Variants in ZNF469 observed in about 807,000 individuals in gnomAD.
ZNF469 encodes the protein zinc finger protein 469.
In ZNF469, 1 loss-of-function variant was observed where a neutral mutation model predicts 1.0. The observed-to-expected ratio is 1.00, with a 90% CI of 0.35 to 4.73. The LOEUF is 4.73. Ranked by LOEUF, ZNF469 falls within the 30% of genes most tolerant of loss-of-function variation. The pLI is 0.16. For synonymous variants in ZNF469, 2,703 were observed against 2,363.4 expected (o/e 1.14, Z -4.17); for missense variants, 6,100 against 5,356.3 (o/e 1.14, Z -4.33).
the ZNF469 span, among the ~76,000 whole-genome samples, chr16:88,204,886 T>C: frequency 6.6e-6 from 1 of 152,138 alleles, no homozygotes; most frequent in Non-Finnish European, 1.5e-5. Flanking sequence ...AAGTTCCAGT[T>C]TGGGTGCTAG....
At chr16:88,179,175 C>A in the ZNF469 span, among the ~76,000 whole-genome samples, 1 of 151,942 alleles carries the variant, frequency 6.6e-6, no homozygotes, top group Non-Finnish European at 1.5e-5. Context: ...TGTGTCCCCT[C>A]CACATCTCAT....
At chr16:88,265,958 G>A in the ZNF469 span, among the ~76,000 whole-genome samples, 1 of 152,356 alleles carries the variant, frequency 6.6e-6, no homozygotes, top group East Asian at 1.9e-4. Context: ...GGGTGGGATT[G>A]GCCCAAATTT....
rs994408836 is a variant in ZNF469 at position 88,431,348 on chromosome 16, C to T, written c.3878C>T (p.Ser1293Leu). ...SLANTAPHGS[S>L]PTPGVGSLLG... ...GCCAACACGGCGCCCCACGGAAGCT[C>T]GCCAACGCCAGGTGTGGGCAGCCTG... Residue 1293 changes from serine to leucine, a missense_variant, in exon 3 of 3, where the codon TCG becomes TTG. Ser to Leu is a moderately radical substitution (Grantham distance 145). Coordinates refer to ENST00000565624, the MANE Select transcript of ZNF469 (RefSeq NM_001367624.2). The T allele has an allele frequency of 1.9e-6, 3 of 1,549,406 alleles. No homozygotes were observed. The highest frequency in any genetic ancestry group is 2.6e-6 in the Non-Finnish European group (3 of 1,146,572).
At chr16:88,352,237 AAACTGCCACCG>A in the ZNF469 span, among the ~76,000 whole-genome samples, 1 of 152,198 alleles carries the variant, frequency 6.6e-6, no homozygotes, top group Admixed American at 6.5e-5. Context: ...CACTGCCACC[AAACTGCCACCG>A]AACTGTGCCC....
At chr16:88,271,342 C>T in the ZNF469 span, among the ~76,000 whole-genome samples, 2 of 132,762 alleles carry the variant, frequency 1.5e-5, 1 homozygote, top group Non-Finnish European at 3.4e-5. Flanking sequence ...AGGGCCGGGG[C>T]CGGGGTCAGA....
the ZNF469 span, among the ~76,000 whole-genome samples, chr16:88,227,025 C>A: frequency 6.8e-6 from 1 of 146,238 alleles, no homozygotes; most frequent in Non-Finnish European, 1.5e-5. Flanking sequence ...CCGGGGCCTG[C>A]GCGTTTCCAC....
the ZNF469 span, among the ~76,000 whole-genome samples, chr16:88,376,516 G>A: frequency 2.0e-5 from 3 of 152,204 alleles, no homozygotes; most frequent in East Asian, 1.9e-4. Context: ...TCGCTCTGCC[G>A]CCGCCCGTGA....
At chr16:88,356,468 C>CTG in the ZNF469 span, among the ~76,000 whole-genome samples, 3 of 151,352 alleles carry the variant, frequency 2.0e-5, no homozygotes, top group Admixed American at 6.6e-5. Flanking sequence ...TGACGTGTGC[C>CTG]TGTGTGTGTG....
At chr16:88,102,020 C>G in the ZNF469 span, among the ~76,000 whole-genome samples, 1 of 152,036 alleles carries the variant, frequency 6.6e-6, no homozygotes, top group African/African-American at 2.4e-5. Context: ...AGTGGCTGAG[C>G]TTAGCGACAG....
At chr16:88,122,298 C>T in the ZNF469 span, among the ~76,000 whole-genome samples, 1 of 150,404 alleles carries the variant, frequency 6.6e-6, no homozygotes, top group African/African-American at 2.5e-5. Flanking sequence ...GCCACGATGG[C>T]CCCTTGGATC....
At chr16:88,305,266 TCACACACATGCTCTCAGGCA>T in the ZNF469 span, among the ~76,000 whole-genome samples, 1 of 128,804 alleles carries the variant, frequency 7.8e-6, no homozygotes, top group Non-Finnish European at 1.6e-5. Flanking sequence ...ATGCACACCC[TCACACACATGCTCTCAGGCA>T]CACACACACG....
the ZNF469 span, among the ~76,000 whole-genome samples, chr16:88,283,836 T>C: frequency 3.3e-3 from 486 of 145,864 alleles, 5 homozygotes; most frequent in African/African-American, 0.012. Context: ...AGACCCCCAG[T>C]GTGCCCAAGG....
chr16:88,321,660 C>T, the ZNF469 span, among the ~76,000 whole-genome samples: 1 of 152,174 alleles, frequency 6.6e-6, no homozygotes, highest in Non-Finnish European at 1.5e-5. Context: ...CCCTCGGATT[C>T]TGCTCATAAG....
chr16:88,215,775 C>T, the ZNF469 span, among the ~76,000 whole-genome samples: 11 of 152,062 alleles, frequency 7.2e-5, no homozygotes, highest in South Asian at 8.3e-4. Context: ...GTTACCTTAG[C>T]GATTAAAACA....
intron 1 of ZNF469, among the ~76,000 whole-genome samples, chr16:88,413,258 G>A (rs190322575): frequency 1.6e-3 from 247 of 152,338 alleles, no homozygotes; most frequent in Non-Finnish European, 2.8e-3. Context: ...GAAATGGCTG[G>A]GTGCTGAGGC....
chr16:88,200,474 G>A, the ZNF469 span, among the ~76,000 whole-genome samples: 4 of 152,226 alleles, frequency 2.6e-5, no homozygotes, highest in South Asian at 2.1e-4. Flanking sequence ...GGCAGGGAGC[G>A]AATGCACTCC....
At chr16:88,134,654 C>T in the ZNF469 span, among the ~76,000 whole-genome samples, 1 of 152,186 alleles carries the variant, frequency 6.6e-6, no homozygotes, top group Non-Finnish European at 1.5e-5. Context: ...TTCCATCTGC[C>T]GACCCCGTGT....
At chr16:88,265,298 G>A in the ZNF469 span, among the ~76,000 whole-genome samples, 3 of 152,226 alleles carry the variant, frequency 2.0e-5, no homozygotes, top group Non-Finnish European at 4.4e-5. Flanking sequence ...GGGGTGTGGA[G>A]GCAGGAGGCC....
At chr16:88,142,059 C>T in the ZNF469 span, among the ~76,000 whole-genome samples, 3 of 152,312 alleles carry the variant, frequency 2.0e-5, no homozygotes, top group African/African-American at 4.8e-5. Context: ...ATGCCTGATG[C>T]AGATGATAGG....
Sources: allele counts gnomAD v4.1 joint callset (sites outside exome capture counted in the v4.1 genomes callset), GRCh38; gene constraint gnomAD v4.1.1; transcripts MANE v1.5; gene names NCBI Gene and HGNC (gene_info 2026-07-23, HGNC 2026-07-21).